The following ANKDD1B variants were observed in gnomAD, a reference collection of about 807,000 sequenced individuals.
ANKDD1B encodes ankyrin repeat and death domain-containing protein 1B.
Under a neutral mutation model 59.7 loss-of-function variants are expected in ANKDD1B, and 57 were observed. The observed-to-expected ratio is 0.95, with a 90% CI of 0.77 to 1.19. The LOEUF (loss-of-function observed/expected upper bound fraction) is 1.19, where lower values mean the gene tolerates loss of function less well. Ranked by LOEUF, ANKDD1B falls within the 50% of genes most tolerant of loss-of-function variation. The probability of loss-of-function intolerance (pLI) is 0.00; values close to 1 mark genes in which losing one functional copy is unlikely to be tolerated. For synonymous variants in ANKDD1B, 216 were observed against 239.5 expected, an observed-to-expected ratio of 0.90 and a Z score of 0.91; for missense variants, 602 against 641.9, an observed-to-expected ratio of 0.94 and a Z score of 0.67.
At chr5:75,660,428 C>T (rs898177568) in intron 10 of ANKDD1B, among the ~76,000 whole-genome samples, 1 of 152,236 alleles carries the variant, frequency 6.6e-6, no homozygotes, top group Non-Finnish European at 1.5e-5. Flanking sequence ...GTCAGAATTT[C>T]ATTTCTTTTC....
In ANKDD1B at chr5:75,620,122, G is replaced by A. The variant is rs1391427081; in HGVS notation, c.298-193G>A. On this transcript the variant is annotated intron_variant, in intron 2 of 13. Coordinates refer to ENST00000601380, the MANE Select transcript of ANKDD1B (RefSeq NM_001276713.2). ...CCTTCAGTGGACTGCCAAATTCTCTGATGTTATCTCATAATGAAGGCAGAA... is the reference window on the plus strand; with the variant it reads ...CCTTCAGTGGACTGCCAAATTCTCTAATGTTATCTCATAATGAAGGCAGAA... Among the ~76,000 whole-genome samples the A allele has an allele frequency of 2.0e-5, 3 of 152,162 alleles. No individual in the cohort carries two copies. The East Asian group carries it at 5.8e-4, about 29-fold the overall frequency.
chr5:75,632,717 GC>G (rs1351729727), intron 5 of ANKDD1B, among the ~76,000 whole-genome samples: 4 of 152,024 alleles, frequency 2.6e-5, no homozygotes, highest in African/African-American at 9.7e-5. Context: ...CTCACCACCC[GC>G]CTTTCCAGCC....
intron 11 of ANKDD1B, among the ~76,000 whole-genome samples, chr5:75,663,828 T>C (rs991205300): frequency 6.6e-6 from 1 of 152,218 alleles, no homozygotes; most frequent in Non-Finnish European, 1.5e-5. Context: ...CTATTCCCAG[T>C]AGCACGAATG....
rs1429110125 is a variant in ANKDD1B, at chr5:75,625,943, C to A, written c.588C>A (p.Asn196Lys). The A allele has an allele frequency of 2.6e-6, 4 of 1,535,176 alleles. No individual in the cohort carries two copies. The African/African-American group carries it at 5.5e-5, about 21-fold the overall frequency. ...LIQDLHLKDL[N>K]QPDEKGRKPF... ...AAGATCTGCACCTCAAGGACCTGAA[C>A]CAGCCTGATGAGGTGTGTTCACTTT... is the stretch of plus-strand genomic sequence containing the variant. Residue 196 changes from asparagine to lysine, a missense_variant, in exon 5 of 14, where the codon AAC (asparagine) becomes AAA (lysine). Asn to Lys is a moderately conservative substitution (Grantham distance 94). Coordinates refer to ENST00000601380, the MANE Select transcript of ANKDD1B (RefSeq NM_001276713.2).
At chr5:75,631,096 C>T (rs1774143552) in intron 5 of ANKDD1B, among the ~76,000 whole-genome samples, 2 of 152,052 alleles carry the variant, frequency 1.3e-5, no homozygotes, top group Admixed American at 1.3e-4. Context: ...ACAAAATGGG[C>T]TAAATGACAG....
chr5:75,651,052 A>C (rs73124750), intron 7 of ANKDD1B, among the ~76,000 whole-genome samples: 14,314 of 152,254 alleles, frequency 0.094, 1,656 homozygotes, highest in African/African-American at 0.27. Flanking sequence ...CAGGCATTAC[A>C]AAAGGCAGAG....
intron 12 of ANKDD1B, 136 bp from the exon 13 acceptor site, chr5:75,669,116 G>A: frequency 2.4e-6 from 2 of 817,306 alleles, no homozygotes; most frequent in South Asian, 6.5e-5. Flanking sequence ...CACAGCGAGG[G>A]CAACTGGAAG....
intron 5 of ANKDD1B, among the ~76,000 whole-genome samples, chr5:75,627,835 C>A (rs532762505): frequency 2.6e-5 from 4 of 152,290 alleles, no homozygotes; most frequent in East Asian, 3.9e-4. Flanking sequence ...TTGCGGGGAG[C>A]CTTCCCCACT....
chr5:75,612,156 C>G (rs1044876379), intron 1 of ANKDD1B, among the ~76,000 whole-genome samples: 3 of 152,190 alleles, frequency 2.0e-5, no homozygotes, highest in African/African-American at 7.2e-5. Context: ...GACTCATGCT[C>G]CGATTTATTG....
intron 5 of ANKDD1B, among the ~76,000 whole-genome samples, chr5:75,630,588 C>T (rs1774124573): frequency 6.6e-6 from 1 of 152,206 alleles, no homozygotes; most frequent in Admixed American, 6.5e-5. Flanking sequence ...AGCTTTGTAG[C>T]AACCACGGGT....
rs1488524298 is a variant in ANKDD1B at position 75,663,444 on chromosome 5, C to G, written c.1146C>G (p.Val382=). The G allele has an allele frequency of 1.3e-6, 2 of 1,536,380 alleles. No individual in the cohort carries two copies. The highest frequency in any genetic ancestry group is 2.4e-5 in the East Asian group (1 of 40,922). ...AVASRSNHSL[V]VGMLIKAERY... ...CCTCCAGGAGCAACCATAGCCTTGT[C>G]GTGGGCATGCTCATTAAAGCAGAGA... The change falls in exon 11 of 14, where the codon GTC becomes GTG. Residue 382 remains valine, a synonymous_variant. Coordinates refer to ENST00000601380, the MANE Select transcript of ANKDD1B (RefSeq NM_001276713.2).
intron 5 of ANKDD1B, among the ~76,000 whole-genome samples, chr5:75,628,989 G>A (rs553185270): frequency 6.6e-6 from 1 of 152,262 alleles, no homozygotes; most frequent in East Asian, 1.9e-4. Flanking sequence ...CAAGAATTTG[G>A]TGGTACAATG....
chr5:75,648,273 A>AAAAAAATT (rs1554068908), intron 7 of ANKDD1B, among the ~76,000 whole-genome samples: 2 of 137,742 alleles, frequency 1.5e-5, no homozygotes, highest in Non-Finnish European at 3.1e-5. Flanking sequence ...AAATTAAAAA[A>AAAAAAATT]AAAAAAAAAA....
At chr5:75,620,973 G>T (rs1400203202) in intron 3 of ANKDD1B, among the ~76,000 whole-genome samples, 1 of 152,124 alleles carries the variant, frequency 6.6e-6, no homozygotes, top group Non-Finnish European at 1.5e-5. Flanking sequence ...CCACAAATAG[G>T]TCTGCCTCCA....
At chr5:75,664,245 C>T (rs1775248094) in intron 11 of ANKDD1B, among the ~76,000 whole-genome samples, 1 of 152,238 alleles carries the variant, frequency 6.6e-6, no homozygotes, top group Non-Finnish European at 1.5e-5. Context: ...TCCACCTGGC[C>T]AGTCTTGGGA....
intron 7 of ANKDD1B, among the ~76,000 whole-genome samples, chr5:75,637,600 C>CA (rs1237826119): frequency 3.3e-5 from 5 of 152,112 alleles, no homozygotes; most frequent in African/African-American, 9.7e-5. Context: ...TTAACTATGA[C>CA]AAAAAACTTT....
chr5:75,617,041 C>T, intron 2 of ANKDD1B, 134 bp downstream of exon 2: 1 of 504,108 alleles, frequency 2.0e-6, no homozygotes, highest in East Asian at 3.1e-5. Context: ...TGTTGGTAAT[C>T]CCGGGGTGTT....
intron 9 of ANKDD1B, among the ~76,000 whole-genome samples, chr5:75,656,699 G>T (rs1774988031): frequency 6.6e-6 from 1 of 152,214 alleles, no homozygotes; most frequent in South Asian, 2.1e-4. Context: ...CACTGAATGA[G>T]CCTGCTCTCT....
chr5:75,669,057 T>C (rs1446027029), intron 12 of ANKDD1B, among the ~76,000 whole-genome samples, 195 bp from the exon 13 acceptor site: 2 of 152,050 alleles, frequency 1.3e-5, no homozygotes, highest in African/African-American at 4.8e-5. Context: ...GCATAGCAGG[T>C]GCATAGCACA....
Sources: gnomAD v4.1 joint callset for allele counts (sites outside exome capture counted in the v4.1 genomes callset) on GRCh38, gnomAD v4.1.1 for gene constraint, MANE v1.5 for transcripts, NCBI Gene and HGNC (gene_info 2026-07-23, HGNC 2026-07-21) for gene names.